Variants in SP4 observed in about 807,000 individuals in gnomAD.
The protein encoded by SP4 is transcription factor Sp4.
In SP4, 19 loss-of-function variants were observed where a neutral mutation model predicts 72.8. That is an observed-to-expected ratio of 0.26 (90% confidence interval 0.18 to 0.38). The LOEUF is 0.38. Among genes scored for constraint, SP4 ranks in the 10% least tolerant of loss-of-function variants. The pLI, the probability that SP4 is intolerant of heterozygous loss-of-function variation, is 1.00. For synonymous variants in SP4, 395 were observed against 333.1 expected (o/e 1.19, Z -2.02); for missense variants, 1,008 against 926.3 (o/e 1.09, Z -1.14).
intron 5 of SP4, among the ~76,000 whole-genome samples, chr7:21,489,541 T>C (rs1443043929): frequency 3.3e-5 from 2 of 61,480 alleles, no homozygotes; most frequent in Non-Finnish European, 5.6e-5. Context: ...GGCTGGTCTT[T>C]TTTTCTTTTT....
intron 3 of SP4, among the ~76,000 whole-genome samples, chr7:21,438,375 A>T (rs1207567729): frequency 1.3e-5 from 2 of 152,040 alleles, no homozygotes; most frequent in East Asian, 3.8e-4. Flanking sequence ...TTTGTGAGGG[A>T]GATTGTGGGT....
At chr7:21,474,273 G>T (rs1784429534) in intron 3 of SP4, among the ~76,000 whole-genome samples, 1 of 152,098 alleles carries the variant, frequency 6.6e-6, no homozygotes, top group Admixed American at 6.5e-5. Flanking sequence ...AGTAATGACT[G>T]TTATATAAAT....
Position 21,465,098 on chromosome 7 carries a change from C to CA in SP4, c.1679-11980dup, listed in dbSNP as rs565758164. Among the ~76,000 whole-genome samples, 26 of 152,220 alleles carry CA rather than the reference C, an allele frequency of 1.7e-4. No individual in the cohort carries two copies. In the East Asian group the frequency reaches 5.0e-3, roughly 29 times the overall value. ...CTAGGAAGGATTTCCTCAACATAAA[C>CA]AGAGTTGAGAATAGTTGACAGTTAT... On this transcript the variant is annotated intron_variant, in intron 3 of 5. Coordinates refer to ENST00000222584, the MANE Select transcript of SP4 (RefSeq NM_003112.5).
rs946424196 is a variant in SP4, at chr7:21,428,788, C to T, written c.119C>T (p.Ser40Phe). 2.4e-5 allele frequency: 37 copies of T among 1,548,976 alleles called. No individual in the cohort carries two copies. Among genetic ancestry groups the T allele is most frequent in the Non-Finnish European group, 3.1e-5 (36 of 1,146,270 alleles). ...AATAAAAAACCCAAAACCTCAGGCTCCCAGGTAAAAGCAAACAAATTAAAA... is the reference window on the plus strand; with the variant it reads ...AATAAAAAACCCAAAACCTCAGGCTTCCAGGTAAAAGCAAACAAATTAAAA... Reference protein sequence around the residue: ...NNNKKPKTSGSQDSQPSPLAL... With the variant: ...NNNKKPKTSGFQDSQPSPLAL... Residue 40 changes from serine (S) to phenylalanine (F), a missense_variant, in exon 2 of 6, where the codon TCC becomes TTC. Ser to Phe is a radical substitution (Grantham distance 155, BLOSUM62 -2). Around this residue, in one of 3 missense-constraint regions of SP4, gnomAD observed 893 missense variants for 743.3 expected, o/e 1.20. Transcript: ENST00000222584.
chr7:21,460,021 A>G (rs1012832976), intron 3 of SP4, among the ~76,000 whole-genome samples: 6 of 152,370 alleles, frequency 3.9e-5, no homozygotes, highest in Non-Finnish European at 5.9e-5. Flanking sequence ...TAAGAGCAGG[A>G]TGAATCTTCT....
chr7:21,493,606 A>C (rs919572863), intron 5 of SP4, among the ~76,000 whole-genome samples: 2 of 152,214 alleles, frequency 1.3e-5, no homozygotes, highest in African/African-American at 4.8e-5. Context: ...AAAATGGAAC[A>C]ACTCCTTGAA....
chr7:21,440,355 A>T (rs1197866181), intron 3 of SP4, among the ~76,000 whole-genome samples: 2 of 152,238 alleles, frequency 1.3e-5, no homozygotes, highest in Non-Finnish European at 2.9e-5. Flanking sequence ...TAACTTGGTG[A>T]CATCTCTACG....
At chr7:21,504,411 T>C (rs1346556593) in intron 5 of SP4, among the ~76,000 whole-genome samples, 1 of 152,228 alleles carries the variant, frequency 6.6e-6, no homozygotes, top group Non-Finnish European at 1.5e-5. Context: ...CCATATAATT[T>C]ACAGATTTGG....
intron 3 of SP4, among the ~76,000 whole-genome samples, chr7:21,445,212 T>G (rs1783383444): frequency 6.6e-6 from 1 of 152,108 alleles, no homozygotes; most frequent in Admixed American, 6.5e-5. Context: ...AGAGGGAGTC[T>G]TGTATTTTGT....
At position 21,428,260 on chromosome 7, in the gene SP4, T is replaced by TA; in HGVS notation, c.7+3dup. 7.8e-7 allele frequency: 1 copy of TA among 1,277,510 alleles called. No individual in the cohort carries two copies. The highest frequency in any genetic ancestry group is 1.0e-6 in the Non-Finnish European group (1 of 974,198). The allele number at this position is 1,277,510 out of a possible 1,614,324, so 79.1% of individuals were successfully genotyped here. A position where few individuals can be genotyped will look rare whatever the true frequency, so the allele number is the denominator to read the frequency against. On this transcript the variant is annotated splice_region_variant and intron_variant, in intron 1 of 5. Transcript: ENST00000222584. ...TGTCCTGTTAATGCGGGATGAGCGG[T>TA]ACGTATTCTCCACCCCCCTCAGTCT...
intron 4 of SP4, among the ~76,000 whole-genome samples, chr7:21,481,065 A>C (rs1221995248): frequency 1.3e-5 from 2 of 152,118 alleles, no homozygotes; most frequent in Non-Finnish European, 2.9e-5. Context: ...CCTGGCTTAG[A>C]ACTTTGACTT....
chr7:21,497,837 G>A (rs1781761295), intron 5 of SP4, among the ~76,000 whole-genome samples: 1 of 152,178 alleles, frequency 6.6e-6, no homozygotes, highest in Admixed American at 6.5e-5. Context: ...TATTTGAGTT[G>A]ATAATTGCTA....
At chr7:21,471,641 G>A (rs905427728) in intron 3 of SP4, among the ~76,000 whole-genome samples, 19 of 152,196 alleles carry the variant, frequency 1.2e-4, no homozygotes, top group South Asian at 2.1e-4. Flanking sequence ...TGAGTGTAGC[G>A]TGGGCAACAT....
intron 5 of SP4, among the ~76,000 whole-genome samples, chr7:21,501,651 C>A (rs1265252329): frequency 6.6e-6 from 1 of 152,220 alleles, no homozygotes; most frequent in African/African-American, 2.4e-5. Flanking sequence ...AACCAATCTT[C>A]TAGCCAACCC....
chr7:21,453,849 C>G (rs1037673360), intron 3 of SP4, among the ~76,000 whole-genome samples: 9 of 152,116 alleles, frequency 5.9e-5, no homozygotes, highest in African/African-American at 2.2e-4. Flanking sequence ...CACAGGATTT[C>G]TTTTACAAGA....
chr7:21,455,753 G>C (rs776555410), intron 3 of SP4, among the ~76,000 whole-genome samples: 17 of 152,104 alleles, frequency 1.1e-4, no homozygotes, highest in Admixed American at 1.3e-4. Flanking sequence ...CTTCATCTCT[G>C]TCTTATGGGT....
intron 4 of SP4, among the ~76,000 whole-genome samples, chr7:21,478,378 G>A (rs911457698): frequency 2.0e-5 from 3 of 152,138 alleles, no homozygotes; most frequent in African/African-American, 7.2e-5. Context: ...GTATTTATAT[G>A]AAATTACCTA....
intron 3 of SP4, among the ~76,000 whole-genome samples, chr7:21,434,419 T>G (rs1562583883): frequency 6.6e-6 from 1 of 152,182 alleles, no homozygotes; most frequent in Non-Finnish European, 1.5e-5. Context: ...AGCAACAACC[T>G]AGGGGGATCC....
At position 21,513,466 on chromosome 7, in the gene SP4, GTTGTT is replaced by G. The variant is rs1782197787; in HGVS notation, c.*2204_*2208del. 1 of 152,490 alleles carries G rather than the reference GTTGTT, an allele frequency of 6.6e-6. No individual in the cohort carries two copies. The highest frequency in any genetic ancestry group is 1.5e-5 in the Non-Finnish European group (1 of 67,960). The allele number at this position is 152,490 out of a possible 1,614,324, so 9.4% of individuals were successfully genotyped here. On this transcript the variant is annotated 3_prime_UTR_variant, in exon 6 of 6. Coordinates refer to ENST00000222584, the MANE Select transcript of SP4 (RefSeq NM_003112.5). Reference sequence around the variant, plus strand: ...GGCTTTAAAACATCAGAATTGGTTTGTTGTTTTGTTTGGTACAGAGGAGCATTTGG... The same window carrying G: ...GGCTTTAAAACATCAGAATTGGTTTGTTGTTTGGTACAGAGGAGCATTTGG...
Sources: gnomAD v4.1 joint callset for allele counts (sites outside exome capture counted in the v4.1 genomes callset) on GRCh38, gnomAD v4.1.1 for gene constraint, gnomAD v4.1.1 regional missense constraint, MANE v1.5 for transcripts, NCBI Gene and HGNC (gene_info 2026-07-23, HGNC 2026-07-21) for gene names.